Variants in CDH8 observed in about 807,000 individuals in gnomAD.
The protein encoded by CDH8 is cadherin-8.
A neutral mutation model predicts 68.1 loss-of-function variants in CDH8; 17 were observed. The ratio of observed to expected loss-of-function variants is 0.25; its 90% CI spans 0.17 to 0.37. The LOEUF (loss-of-function observed/expected upper bound fraction) is 0.37, where lower values mean the gene tolerates loss of function less well. Ranked by LOEUF, CDH8 falls within the 10% of genes least tolerant of loss-of-function variation. The pLI is 1.00. For missense variants in CDH8, 763 were observed against 999.3 expected, an observed-to-expected ratio of 0.76 and a Z score of 3.19; for synonymous variants, 372 against 365.1, an observed-to-expected ratio of 1.02 and a Z score of -0.21.
intron 3 of CDH8, among the ~76,000 whole-genome samples, chr16:61,871,581 T>C (rs1239927903): frequency 2.0e-5 from 3 of 151,600 alleles, no homozygotes; most frequent in East Asian, 1.9e-4. Context: ...ATGATCTTTA[T>C]AATAATAATA....
intron 4 of CDH8, among the ~76,000 whole-genome samples, chr16:61,852,206 T>C (rs1370674426): frequency 1.3e-5 from 2 of 152,114 alleles, no homozygotes; most frequent in African/African-American, 2.4e-5. Context: ...TATCTAAAGG[T>C]GAGAAAGACA....
chr16:61,868,963 G>T (rs1343157188), intron 3 of CDH8, among the ~76,000 whole-genome samples: 3 of 152,114 alleles, frequency 2.0e-5, no homozygotes, highest in African/African-American at 4.8e-5. Context: ...GAGAGAGTGA[G>T]ATAAGAGAAA....
rs142080262 is a variant in CDH8 at position 61,877,549 on chromosome 16, A to G, written c.548-20311T>C. Among the ~76,000 whole-genome samples, 159 of 152,268 alleles carry G rather than the reference A, an allele frequency of 1.0e-3. 1 individual carries two copies. Among genetic ancestry groups the G allele is most frequent in the African/African-American group, 3.4e-3 (142 of 41,576 alleles). On this transcript the variant is annotated intron_variant, in intron 3 of 11. Transcript: ENST00000577390. ...GAGAATTCCCTTCAGAACAAAATTT[A>G]TATTTCAGAGTAGAGACATTGTGAG... is the stretch of plus-strand genomic sequence containing the variant.
chr16:61,800,588 G>C (rs1020335252), intron 7 of CDH8, among the ~76,000 whole-genome samples: 1 of 152,108 alleles, frequency 6.6e-6, no homozygotes, highest in East Asian at 1.9e-4. Flanking sequence ...TTACTATGAA[G>C]GTGTGAACCT....
intron 4 of CDH8, among the ~76,000 whole-genome samples, chr16:61,845,526 T>A (rs2143009920): frequency 7.1e-6 from 1 of 141,252 alleles, no homozygotes; most frequent in South Asian, 2.3e-4. Context: ...AAAAAAACTA[T>A]CTAATTATAG....
intron 3 of CDH8, among the ~76,000 whole-genome samples, chr16:61,878,099 A>AT (rs1016998467): frequency 2.6e-5 from 4 of 152,300 alleles, no homozygotes; most frequent in African/African-American, 4.8e-5. Flanking sequence ...TTGAATACTT[A>AT]TTTTGTGTCT....
intron 8 of CDH8, among the ~76,000 whole-genome samples, chr16:61,739,347 C>T (rs1959794514): frequency 6.6e-6 from 1 of 152,006 alleles, no homozygotes; most frequent in Non-Finnish European, 1.5e-5. Context: ...CCAGTACATG[C>T]CCATGCAAAC....
At chr16:62,026,175 C>G (rs990377105) in intron 1 of CDH8, among the ~76,000 whole-genome samples, 1 of 152,174 alleles carries the variant, frequency 6.6e-6, no homozygotes, top group Non-Finnish European at 1.5e-5. Context: ...GACCATTAAC[C>G]AGCTCTGAAA....
At chr16:61,813,141 G>C (rs1961990270) in intron 7 of CDH8, among the ~76,000 whole-genome samples, 1 of 151,982 alleles carries the variant, frequency 6.6e-6, no homozygotes, top group Non-Finnish European at 1.5e-5. Flanking sequence ...CCACAGATTT[G>C]GTTTATTTTT....
intron 8 of CDH8, among the ~76,000 whole-genome samples, chr16:61,761,256 C>T (rs116952417): frequency 0.02 from 3,003 of 152,226 alleles, 31 homozygotes; most frequent in Middle Eastern, 0.065. Flanking sequence ...CACAATGTTG[C>T]ATGGGTATTA....
chr16:61,827,907 C>G (rs1439203772), intron 4 of CDH8, among the ~76,000 whole-genome samples: 2 of 151,818 alleles, frequency 1.3e-5, no homozygotes, highest in South Asian at 2.1e-4. Flanking sequence ...ATAACACAAA[C>G]AGTCGATTAA....
At chr16:61,928,071 A>G (rs989884843) in intron 2 of CDH8, among the ~76,000 whole-genome samples, 3 of 152,224 alleles carry the variant, frequency 2.0e-5, no homozygotes, top group Admixed American at 6.5e-5. Context: ...TAAAAGTCCT[A>G]TGAAATACCT....
At chr16:61,677,921 G>A (rs999268592) in intron 10 of CDH8, among the ~76,000 whole-genome samples, 3 of 151,950 alleles carry the variant, frequency 2.0e-5, no homozygotes, top group South Asian at 2.1e-4. Flanking sequence ...AGCATTTAAC[G>A]TCAACACAGA....
At chr16:62,027,135 C>T (rs1357080921) in intron 1 of CDH8, among the ~76,000 whole-genome samples, 2 of 152,170 alleles carry the variant, frequency 1.3e-5, no homozygotes, top group East Asian at 1.9e-4. Flanking sequence ...AGAGATTTTA[C>T]AGTTTCTCTG....
intron 4 of CDH8, among the ~76,000 whole-genome samples, chr16:61,829,641 C>G (rs1962414331): frequency 6.6e-6 from 1 of 151,810 alleles, no homozygotes; most frequent in African/African-American, 2.4e-5. Flanking sequence ...GAAGCTGCAC[C>G]TCTGAGAATC....
chr16:61,863,979 C>G (rs894971718), intron 3 of CDH8, among the ~76,000 whole-genome samples: 2 of 152,296 alleles, frequency 1.3e-5, no homozygotes, highest in Middle Eastern at 3.4e-3. Flanking sequence ...CCCAACTCCT[C>G]TCATCCTTAT....
chr16:61,949,739 T>C (rs1964859417), intron 2 of CDH8, among the ~76,000 whole-genome samples: 1 of 152,012 alleles, frequency 6.6e-6, no homozygotes, highest in South Asian at 2.1e-4. Flanking sequence ...TCCCAGCACT[T>C]TGGGAAGCCA....
intron 10 of CDH8, among the ~76,000 whole-genome samples, chr16:61,672,509 T>C (rs1245172248): frequency 6.6e-6 from 1 of 152,056 alleles, no homozygotes; most frequent in Non-Finnish European, 1.5e-5. Context: ...CTTTGAGGAA[T>C]ACATTTGTTA....
chr16:61,850,785 C>G (rs984231366), intron 4 of CDH8, among the ~76,000 whole-genome samples: 1 of 151,940 alleles, frequency 6.6e-6, no homozygotes, highest in Non-Finnish European at 1.5e-5. Context: ...GTTATCACTA[C>G]TCTAAAAAAT....
Sources: gnomAD v4.1 joint callset for allele counts (sites outside exome capture counted in the v4.1 genomes callset) on GRCh38, gnomAD v4.1.1 for gene constraint, MANE v1.5 for transcripts, NCBI Gene and HGNC (gene_info 2026-07-23, HGNC 2026-07-21) for gene names.